Variants in RBFOX1 observed in about 807,000 individuals in gnomAD.
RBFOX1 encodes RNA binding fox-1 homolog 1.
RBFOX1 carries 8 observed loss-of-function variants against 57.7 expected under a neutral mutation model. The ratio of observed to expected loss-of-function variants is 0.14; its 90% CI spans 0.08 to 0.25. The LOEUF is 0.25. RBFOX1 is among the 10% of genes least tolerant of loss of function. The pLI, the probability that RBFOX1 is intolerant of heterozygous loss-of-function variation, is 1.00. For missense variants in RBFOX1, 611 were observed against 548.5 expected, an observed-to-expected ratio of 1.11 and a Z score of -1.14; for synonymous variants, 326 against 222.4, an observed-to-expected ratio of 1.47 and a Z score of -4.15.
intron 4 of RBFOX1, among the ~76,000 whole-genome samples, chr16:7,516,613 T>C (rs1163522037): frequency 1.3e-5 from 2 of 152,070 alleles, no homozygotes; most frequent in Admixed American, 1.3e-4. Context: ...TATGGGAAAA[T>C]GTTAGAAAGA....
At position 7,600,496 on chromosome 16, in the gene RBFOX1, T is replaced by C. The variant is rs113822299; in HGVS notation, c.622+3065T>C. 3.2e-3 allele frequency among the ~76,000 whole-genome samples: 486 copies of C among 152,284 alleles called. 5 individuals are homozygous for C. Among genetic ancestry groups the C allele is most frequent in the African/African-American group, 0.011 (461 of 41,556 alleles). ...CTTAATAAGCAAGACGATAGAGTTA[T>C]GGCAAAAGAGGGTAAGTCGGGACCA... On this transcript the variant is annotated intron_variant, in intron 9 of 15. Transcript: ENST00000550418.
chr16:6,986,937 A>G (rs572636328), intron 3 of RBFOX1, among the ~76,000 whole-genome samples: 18 of 151,944 alleles, frequency 1.2e-4, no homozygotes, highest in Non-Finnish European at 2.2e-4. Flanking sequence ...TCACCTGCCC[A>G]CCCCGCCTGC....
At chr16:6,465,677 T>G (rs2095032337) in intron 2 of RBFOX1, among the ~76,000 whole-genome samples, 1 of 149,504 alleles carries the variant, frequency 6.7e-6, no homozygotes, top group Non-Finnish European at 1.5e-5. Context: ...AGCATGGCCC[T>G]GCATATTTGT....
At chr16:5,610,173 G>A (rs947336300) in intron 3 of RBFOX1, 2 of 152,160 alleles carry the variant, frequency 1.3e-5, no homozygotes, top group African/African-American at 4.8e-5. Flanking sequence ...GTTACCATCA[G>A]TCTGTCCCAT....
intron 3 of RBFOX1, among the ~76,000 whole-genome samples, chr16:6,723,077 C>T (rs58095947): frequency 0.012 from 1,770 of 152,232 alleles, 41 homozygotes; most frequent in African/African-American, 0.04. Context: ...GGGCAATGTC[C>T]CATGAGTGGT....
In RBFOX1 at chr16:5,918,619, A is replaced by T. The variant is rs1250221946; in HGVS notation, c.351+51284A>T. On this transcript the variant is annotated intron_variant, in intron 4 of 19. Coordinates refer to the RBFOX1 transcript ENST00000641259. ...GGATGAATGATTAAAACCCCTCTAA[A>T]ATTTGCAGGGTAGACAGTGAGCTGT... is the stretch of plus-strand genomic sequence containing the variant. Among the ~76,000 whole-genome samples the T allele has an allele frequency of 4.6e-5, 7 of 152,252 alleles. No individual in the cohort carries two copies. In the South Asian group the frequency reaches 1.5e-3, roughly 32 times the overall value.
intron 1 of RBFOX1, among the ~76,000 whole-genome samples, chr16:6,118,919 A>G (rs1018228509): frequency 3.3e-5 from 5 of 151,746 alleles, no homozygotes; most frequent in Admixed American, 3.3e-4. Flanking sequence ...CACATTAGTG[A>G]TTAGGTTTCA....
chr16:6,954,967 G>A (rs570879343), intron 3 of RBFOX1, among the ~76,000 whole-genome samples: 5 of 151,836 alleles, frequency 3.3e-5, no homozygotes, highest in Admixed American at 6.6e-5. Context: ...GTGGTGGCTC[G>A]TGCCCATAAT....
At chr16:6,996,437 A>G (rs1371539276) in intron 3 of RBFOX1, among the ~76,000 whole-genome samples, 4 of 152,124 alleles carry the variant, frequency 2.6e-5, no homozygotes, top group Admixed American at 2.6e-4. Flanking sequence ...AGATGTGTTT[A>G]TATCTAGATT....
intron 2 of RBFOX1, among the ~76,000 whole-genome samples, chr16:6,369,910 A>G (rs890308483): frequency 2.0e-5 from 3 of 152,142 alleles, no homozygotes; most frequent in African/African-American, 7.2e-5. Context: ...AATTTCATCA[A>G]TTGTCCCAAT....
chr16:6,115,433 TA>T (rs60532291), intron 1 of RBFOX1, among the ~76,000 whole-genome samples: 47,228 of 152,048 alleles, frequency 0.31, 10,445 homozygotes, highest in African/African-American at 0.61. Context: ...ATTGAAGCCA[TA>T]TGCAGTAGTG....
intron 3 of RBFOX1, among the ~76,000 whole-genome samples, chr16:6,828,699 T>C (rs1366009583): frequency 6.6e-6 from 1 of 151,948 alleles, no homozygotes; most frequent in Admixed American, 6.6e-5. Flanking sequence ...CCTAAGTCAC[T>C]GTGACTTGGG....
chr16:5,856,239 GTGTA>G (rs1208564138), intron 3 of RBFOX1, among the ~76,000 whole-genome samples: 1 of 23,784 alleles, frequency 4.2e-5, no homozygotes, highest in Non-Finnish European at 8.4e-5. Context: ...GTATATATAT[GTGTA>G]TATATATGTA....
At chr16:7,340,316 G>A (rs549986031) in intron 4 of RBFOX1, among the ~76,000 whole-genome samples, 10 of 152,334 alleles carry the variant, frequency 6.6e-5, no homozygotes, top group Admixed American at 1.3e-4. Context: ...GGGAGCAAGT[G>A]GTGGGTTTCA....
chr16:6,436,166 G>A (rs930699821), intron 2 of RBFOX1, among the ~76,000 whole-genome samples: 1 of 151,990 alleles, frequency 6.6e-6, no homozygotes, highest in Non-Finnish European at 1.5e-5. Flanking sequence ...GATAAATGCA[G>A]CTCAATACAG....
At chr16:5,847,191 C>A (rs2056778360) in intron 3 of RBFOX1, among the ~76,000 whole-genome samples, 1 of 152,114 alleles carries the variant, frequency 6.6e-6, no homozygotes, top group Non-Finnish European at 1.5e-5. Flanking sequence ...AAATACATGA[C>A]TCTCAGGTAG....
At chr16:7,222,538 A>G (rs1270759285) in intron 4 of RBFOX1, among the ~76,000 whole-genome samples, 3 of 152,182 alleles carry the variant, frequency 2.0e-5, no homozygotes, top group Non-Finnish European at 2.9e-5. Context: ...GACCCAGAGG[A>G]GACGGCGAAG....
rs1365658654 is a variant in RBFOX1 at position 6,194,904 on chromosome 16, G to T, written c.-126-122091G>T. Among the ~76,000 whole-genome samples the T allele has an allele frequency of 5.3e-5, 8 of 152,300 alleles. No homozygotes were observed. The East Asian group carries it at 1.5e-3, about 29-fold the overall frequency. On this transcript the variant is annotated intron_variant, in intron 1 of 15. Coordinates refer to ENST00000550418, the MANE Select transcript of RBFOX1 (RefSeq NM_018723.4). ...TTAATATCTGAGTGACTACTAGAATGAATGAGTGAGTAGATATGAATAGTT... is the reference window on the plus strand; with the variant it reads ...TTAATATCTGAGTGACTACTAGAATTAATGAGTGAGTAGATATGAATAGTT...
intron 4 of RBFOX1, among the ~76,000 whole-genome samples, chr16:7,061,022 C>CTGTGTGTG (rs112453963): frequency 0.17 from 25,344 of 150,520 alleles, 2,151 homozygotes; most frequent in African/African-American, 0.22. Flanking sequence ...GTATGTTCTC[C>CTGTGTGTG]TGTGTGTGTG....
Sources: gnomAD v4.1 joint callset for allele counts (sites outside exome capture counted in the v4.1 genomes callset) on GRCh38, gnomAD v4.1.1 for gene constraint, MANE v1.5 for transcripts, NCBI Gene and HGNC (gene_info 2026-07-23, HGNC 2026-07-21) for gene names.